The following SDK1 variants were observed in gnomAD, a reference collection of about 807,000 sequenced individuals.
SDK1 encodes the protein protein sidekick-1.
SDK1 carries 157 observed loss-of-function variants against 245.5 expected under a neutral mutation model. The ratio of observed to expected loss-of-function variants is 0.64; its 90% CI spans 0.56 to 0.73. SDK1 has a LOEUF of 0.73. Among genes scored for constraint, SDK1 ranks in the 30% least tolerant of loss-of-function variants. SDK1 has a pLI of 0.00. For missense variants in SDK1, 3,583 were observed against 3,002.3 expected (o/e 1.19, Z -4.52); for synonymous variants, 1,647 against 1,278.5 (o/e 1.29, Z -6.15).
chr7:3,869,668 T>TG (rs1415813573), intron 5 of SDK1, among the ~76,000 whole-genome samples: 1 of 152,164 alleles, frequency 6.6e-6, no homozygotes, highest in East Asian at 1.9e-4. Flanking sequence ...TCAGAAAATG[T>TG]GGGTACAGTG....
At chr7:4,187,370 C>G in intron 35 of SDK1, among the ~76,000 whole-genome samples, 1 of 152,344 alleles carries the variant, frequency 6.6e-6, no homozygotes, top group African/African-American at 2.4e-5. Context: ...GTCTCCAATG[C>G]CTGCCTTGGG....
intron 1 of SDK1, among the ~76,000 whole-genome samples, chr7:3,478,675 T>G (rs1781418692): frequency 6.6e-6 from 1 of 152,080 alleles, no homozygotes; most frequent in South Asian, 2.1e-4. Flanking sequence ...TTTATTGAAT[T>G]ATTGAATCTT....
At chr7:3,732,495 T>G (rs1372603124) in intron 4 of SDK1, among the ~76,000 whole-genome samples, 1 of 152,242 alleles carries the variant, frequency 6.6e-6, no homozygotes, top group Non-Finnish European at 1.5e-5. Flanking sequence ...ATCTCTTTAA[T>G]AGTTCGGTTC....
Position 3,952,030 on chromosome 7 carries a change from C to A in SDK1, c.1150+110C>A, listed in dbSNP as rs925355938. The A allele has an allele frequency of 1.8e-5, 18 of 991,000 alleles. No individual in the cohort carries two copies. The African/African-American group carries it at 2.8e-4, about 15-fold the overall frequency. 61.4% of individuals were successfully genotyped at this position (991,000 alleles called of 1,614,324 possible). A position where few individuals can be genotyped will look rare whatever the true frequency, so the allele number is the denominator to read the frequency against. On this transcript the variant is annotated intron_variant, in intron 7 of 44. Transcript: ENST00000404826. ...TTCAGTGGCTTTATTTGTAACTCGG[C>A]AAATGAAGGTGAGGTTGAGTTTACC...
At chr7:3,308,402 ATTAGGGGCTT>A (rs1779470930) in intron 1 of SDK1, among the ~76,000 whole-genome samples, 1 of 152,164 alleles carries the variant, frequency 6.6e-6, no homozygotes, top group Non-Finnish European at 1.5e-5. Context: ...AATTGTCTTC[ATTAGGGGCTT>A]TTAGTAAAAC....
At chr7:3,497,900 A>C (rs979980127) in intron 1 of SDK1, among the ~76,000 whole-genome samples, 2 of 152,222 alleles carry the variant, frequency 1.3e-5, no homozygotes, top group Admixed American at 1.3e-4. Context: ...TATGTGGGCT[A>C]TGAGGTTAGG....
chr7:3,531,820 T>C lies in SDK1; in HGVS notation c.299-87260T>C, dbSNP rs1231339513. On this transcript the variant is annotated intron_variant, in intron 1 of 44. Coordinates refer to ENST00000404826, the MANE Select transcript of SDK1 (RefSeq NM_152744.4). ...GTGTTACAGAGTCATATTTTAAATATACAAAGAGTTCATAAGGAATACTTT... is the reference window on the plus strand; with the variant it reads ...GTGTTACAGAGTCATATTTTAAATACACAAAGAGTTCATAAGGAATACTTT... Among the ~76,000 whole-genome samples, 9 of 152,342 alleles carry C rather than the reference T, an allele frequency of 5.9e-5. No individual in the cohort carries two copies. In the South Asian group the frequency reaches 1.2e-3, roughly 21 times the overall value.
chr7:4,039,854 T>A (rs914231478), intron 17 of SDK1, among the ~76,000 whole-genome samples: 19 of 152,174 alleles, frequency 1.2e-4, no homozygotes, highest in Non-Finnish European at 2.4e-4. Context: ...AAGAAAATTT[T>A]AAAAATCATT....
chr7:4,241,491 A>C (rs1449816965), intron 42 of SDK1, among the ~76,000 whole-genome samples: 8 of 152,210 alleles, frequency 5.3e-5, no homozygotes, highest in Admixed American at 1.3e-4. Context: ...CAAACAAAAA[A>C]TCAAAAAAAG....
At chr7:3,490,972 G>T (rs1273741957) in intron 1 of SDK1, among the ~76,000 whole-genome samples, 2 of 152,204 alleles carry the variant, frequency 1.3e-5, no homozygotes, top group South Asian at 2.1e-4. Flanking sequence ...AATTGCAATG[G>T]TGATACAGCT....
At position 4,265,226 on chromosome 7, in the gene SDK1, G is replaced by A. The variant is rs759160110; in HGVS notation, c.6484G>A (p.Gly2162Ser). The A allele has an allele frequency of 6.2e-7, 1 of 1,609,252 alleles. No individual in the cohort carries two copies. The highest frequency in any genetic ancestry group is 8.5e-7 in the Non-Finnish European group (1 of 1,179,436). The change falls in exon 45 of 45, where the codon GGC (glycine) becomes AGC (serine). Residue 2162 changes from glycine (G) to serine (S), a missense_variant. Transcript: ENST00000404826. ...CAACTCATGGAAGCGCAGGGCCCAG[G>A]GCCGCGCACCTGCGCCGCACAGGTA... ...YYNSWKRRAQ[G>S]RAPAPHRYEA... is the part of the protein sequence containing the mutation.
chr7:3,712,084 C>A (rs1295048899), intron 4 of SDK1, among the ~76,000 whole-genome samples: 1 of 152,216 alleles, frequency 6.6e-6, no homozygotes, highest in South Asian at 2.1e-4. Context: ...AGGTCCGCAA[C>A]CCTTGGGTAG....
chr7:3,792,862 T>A (rs923007301), intron 4 of SDK1, among the ~76,000 whole-genome samples: 1 of 152,228 alleles, frequency 6.6e-6, no homozygotes, highest in African/African-American at 2.4e-5. Context: ...GGTTCCTGCC[T>A]ACAGTCCCCA....
chr7:3,988,130 ATGTTT>A (rs1328543950), intron 14 of SDK1, among the ~76,000 whole-genome samples: 103 of 113,858 alleles, frequency 9.0e-4, no homozygotes, highest in Admixed American at 1.9e-3. Flanking sequence ...CATCTTTTTA[ATGTTT>A]TTTTTTTTTT....
intron 14 of SDK1, among the ~76,000 whole-genome samples, chr7:4,001,455 G>T (rs767022927): frequency 6.6e-6 from 1 of 152,172 alleles, no homozygotes; most frequent in Non-Finnish European, 1.5e-5. Context: ...CACCTTTGGT[G>T]TCTTGACCTG....
intron 4 of SDK1, among the ~76,000 whole-genome samples, chr7:3,682,279 C>G (rs1235870334): frequency 1.3e-5 from 2 of 152,200 alleles, no homozygotes; most frequent in East Asian, 3.8e-4. Context: ...AACAGCAGAG[C>G]TGACACACAA....
intron 1 of SDK1, among the ~76,000 whole-genome samples, chr7:3,602,916 A>G (rs1781295612): frequency 6.6e-6 from 1 of 152,044 alleles, no homozygotes; most frequent in Non-Finnish European, 1.5e-5. Flanking sequence ...TTTTCCCAGC[A>G]CCATTTATTA....
intron 1 of SDK1, among the ~76,000 whole-genome samples, chr7:3,537,761 G>C (rs1778928827): frequency 6.6e-6 from 1 of 152,178 alleles, no homozygotes. Flanking sequence ...GTTTCCCCTT[G>C]AGCTGGTCAG....
intron 44 of SDK1, among the ~76,000 whole-genome samples, chr7:4,259,740 T>A (rs1787860314): frequency 6.6e-6 from 1 of 152,186 alleles, no homozygotes; most frequent in African/African-American, 2.4e-5. Context: ...AAAAACCTTT[T>A]GAGTTTCAGA....
Sources: allele counts gnomAD v4.1 joint callset (sites outside exome capture counted in the v4.1 genomes callset), GRCh38; gene constraint gnomAD v4.1.1; transcripts MANE v1.5; gene names NCBI Gene and HGNC (gene_info 2026-07-23, HGNC 2026-07-21).